The following SCHIP1 variants were observed in gnomAD, a reference collection of about 807,000 sequenced individuals.
SCHIP1 encodes the protein schwannomin interacting protein 1.
Under a neutral mutation model 29.7 loss-of-function variants are expected in SCHIP1, and 8 were observed. The ratio of observed to expected loss-of-function variants is 0.27; its 90% CI spans 0.16 to 0.49. SCHIP1 has a LOEUF of 0.49. SCHIP1 is among the 20% of genes least tolerant of loss of function. The pLI is 0.99. For missense variants in SCHIP1, 193 were observed against 294.6 expected, an observed-to-expected ratio of 0.66 and a Z score of 2.52; for synonymous variants, 76 against 94.9, an observed-to-expected ratio of 0.80 and a Z score of 1.16.
chr3:159,327,363 A>C, the SCHIP1 span, among the ~76,000 whole-genome samples: 1 of 152,184 alleles, frequency 6.6e-6, no homozygotes, highest in African/African-American at 2.4e-5. Context: ...GAATGTTCCA[A>C]GTGCCTAGTA....
chr3:159,281,429 T>TA, the SCHIP1 span, among the ~76,000 whole-genome samples: 1 of 152,224 alleles, frequency 6.6e-6, no homozygotes, highest in African/African-American at 2.4e-5. Flanking sequence ...CACATATATT[T>TA]AAAAAATAAT....
At position 159,882,779 on chromosome 3, in the gene SCHIP1, A is replaced by G. The variant is rs1716572427; in HGVS notation, c.150-3428A>G. On this transcript the variant is annotated intron_variant, in intron 2 of 6. Coordinates refer to ENST00000445224, the Ensembl canonical transcript of SCHIP1. The stretch of plus-strand genomic sequence containing the variant: ...GCATATTTTAATAGTATCCCTGGTA[A>G]CAGTAGTTGGAAGTCAGCACCAGTG... 2.0e-5 allele frequency among the ~76,000 whole-genome samples: 3 copies of G among 152,192 alleles called. No individual in the cohort carries two copies. In the South Asian group the frequency reaches 6.2e-4, roughly 32 times the overall value.
chr3:159,669,012 G>A, the SCHIP1 span, among the ~76,000 whole-genome samples: 3 of 152,126 alleles, frequency 2.0e-5, no homozygotes, highest in African/African-American at 7.2e-5. Flanking sequence ...TGCTCCCAGA[G>A]TAGGTTCTAC....
the SCHIP1 span, among the ~76,000 whole-genome samples, chr3:159,626,158 A>G: frequency 8.2e-6 from 1 of 121,970 alleles, no homozygotes; most frequent in Non-Finnish European, 1.5e-5. Flanking sequence ...ATATATATAT[A>G]TATCTAGATA....
chr3:159,764,111 G>A, the SCHIP1 span: 2 of 266,294 alleles, frequency 7.5e-6, no homozygotes, highest in Admixed American at 5.2e-5. This position sits in a 1 kb window ranked among gnomAD's most constrained non-coding sequence, Gnocchi z 6.1. Flanking sequence ...TTGGGGCGGG[G>A]TAAAGGGGCG....
chr3:159,500,630 C>G, the SCHIP1 span, among the ~76,000 whole-genome samples: 1 of 151,478 alleles, frequency 6.6e-6, no homozygotes, highest in Non-Finnish European at 1.5e-5. Context: ...AGGAGAATGG[C>G]GTGAACCTGG....
chr3:159,488,591 G>A, the SCHIP1 span, among the ~76,000 whole-genome samples: 1 of 152,140 alleles, frequency 6.6e-6, no homozygotes, highest in Non-Finnish European at 1.5e-5. Context: ...CTCTCTCAGG[G>A]GACAGGGGTG....
At chr3:159,565,607 C>A in the SCHIP1 span, among the ~76,000 whole-genome samples, 1 of 152,210 alleles carries the variant, frequency 6.6e-6, no homozygotes. Flanking sequence ...TGTTTTTACA[C>A]TAAGGAAACT....
chr3:159,325,914 G>T, the SCHIP1 span, among the ~76,000 whole-genome samples: 1 of 152,140 alleles, frequency 6.6e-6, no homozygotes, highest in East Asian at 1.9e-4. Context: ...TGTAGTCATG[G>T]TTTTTTACAG....
chr3:159,830,168 C>T, the SCHIP1 span, among the ~76,000 whole-genome samples: 2 of 152,154 alleles, frequency 1.3e-5, no homozygotes, highest in Admixed American at 6.5e-5. Context: ...TGTAGCTTTA[C>T]ATTTAGTTCT....
chr3:159,783,559 A>G, the SCHIP1 span, among the ~76,000 whole-genome samples: 1 of 152,190 alleles, frequency 6.6e-6, no homozygotes, highest in African/African-American at 2.4e-5. Flanking sequence ...CCTGTAGTTG[A>G]TTTGAAATAT....
the SCHIP1 span, among the ~76,000 whole-genome samples, chr3:159,292,774 A>G: frequency 6.6e-6 from 1 of 152,174 alleles, no homozygotes; most frequent in East Asian, 1.9e-4. Context: ...TTTATTTTCA[A>G]TTTCTTTTTA....
chr3:159,360,522 GA>G, the SCHIP1 span, among the ~76,000 whole-genome samples: 1 of 152,056 alleles, frequency 6.6e-6, no homozygotes, highest in Admixed American at 6.6e-5. Context: ...CATATAAAGG[GA>G]ATTGTTCAAT....
the SCHIP1 span, among the ~76,000 whole-genome samples, chr3:159,430,175 G>C: frequency 6.6e-6 from 1 of 152,122 alleles, no homozygotes; most frequent in Non-Finnish European, 1.5e-5. Flanking sequence ...ATGGGCATCT[G>C]ATTAGGAATT....
the SCHIP1 span, among the ~76,000 whole-genome samples, chr3:159,538,534 T>C: frequency 6.6e-6 from 1 of 152,194 alleles, no homozygotes; most frequent in African/African-American, 2.4e-5. Context: ...AATAATTTAC[T>C]GTGCATAATA....
At chr3:159,295,351 C>T in the SCHIP1 span, among the ~76,000 whole-genome samples, 7 of 151,202 alleles carry the variant, frequency 4.6e-5, no homozygotes, top group Admixed American at 2.0e-4. Context: ...ATCACCTGAA[C>T]CCGGGAGGTG....
the SCHIP1 span, among the ~76,000 whole-genome samples, chr3:159,713,160 A>G: frequency 2.0e-5 from 3 of 151,392 alleles, no homozygotes; most frequent in African/African-American, 7.3e-5. Flanking sequence ...CATCAAAAAA[A>G]AAAAAGAAGA....
the SCHIP1 span, among the ~76,000 whole-genome samples, chr3:159,468,772 T>TA: frequency 7.8e-6 from 1 of 128,088 alleles, no homozygotes; most frequent in Admixed American, 8.0e-5. Context: ...TATATATATA[T>TA]ATATATTTTT....
chr3:159,521,887 C>T, the SCHIP1 span, among the ~76,000 whole-genome samples: 1 of 152,122 alleles, frequency 6.6e-6, no homozygotes, highest in Non-Finnish European at 1.5e-5. Flanking sequence ...GAAATATGTG[C>T]AACAATAGAT....
Sources: allele counts gnomAD v4.1 joint callset (sites outside exome capture counted in the v4.1 genomes callset), GRCh38; gene constraint gnomAD v4.1.1; non-coding constraint Gnocchi (gnomAD v3.1); transcripts MANE v1.5; gene names NCBI Gene and HGNC (gene_info 2026-07-23, HGNC 2026-07-21).